Variants in FHIT observed in about 807,000 individuals in gnomAD.
The protein encoded by FHIT is bis(5'-adenosyl)-triphosphatase.
A neutral mutation model predicts 17.9 loss-of-function variants in FHIT; 19 were observed. That is an observed-to-expected ratio of 1.06 (90% CI 0.74 to 1.56). The LOEUF (loss-of-function observed/expected upper bound fraction) is 1.56. Among genes scored for constraint, FHIT ranks in the 40% most tolerant of loss-of-function variants. The pLI is 0.00. For synonymous variants in FHIT, 81 were observed against 69.7 expected, an observed-to-expected ratio of 1.16 and a Z score of -0.81; for missense variants, 248 against 189.2, an observed-to-expected ratio of 1.31 and a Z score of -1.82.
chr3:60,331,551 T>C (rs935701914), intron 5 of FHIT, among the ~76,000 whole-genome samples: 3 of 152,242 alleles, frequency 2.0e-5, no homozygotes, highest in Admixed American at 6.5e-5. Context: ...TTCTTTAACA[T>C]AGAAATATAC....
intron 4 of FHIT, among the ~76,000 whole-genome samples, chr3:60,633,121 A>C (rs2039490029): frequency 6.6e-6 from 1 of 152,254 alleles, no homozygotes; most frequent in Admixed American, 6.5e-5. Context: ...AAAATCTGTA[A>C]GAAATAAATA....
chr3:60,382,259 T>C (rs906051075), intron 5 of FHIT, among the ~76,000 whole-genome samples: 2 of 152,220 alleles, frequency 1.3e-5, no homozygotes, highest in Non-Finnish European at 2.9e-5. Context: ...GGTGCCCACA[T>C]ACACCAAACA....
intron 5 of FHIT, among the ~76,000 whole-genome samples, chr3:60,430,420 C>G (rs1309118037): frequency 6.6e-6 from 1 of 151,848 alleles, no homozygotes; most frequent in Non-Finnish European, 1.5e-5. Flanking sequence ...AATATAGTAC[C>G]TTTATGAGGT....
At chr3:60,769,636 G>A (rs1699973951) in intron 4 of FHIT, among the ~76,000 whole-genome samples, 1 of 152,222 alleles carries the variant, frequency 6.6e-6, no homozygotes, top group Non-Finnish European at 1.5e-5. Flanking sequence ...GTGACGTACA[G>A]GAATCAGAAG....
chr3:60,850,236 C>T (rs1559769862), intron 3 of FHIT, among the ~76,000 whole-genome samples: 1 of 151,884 alleles, frequency 6.6e-6, no homozygotes, highest in Non-Finnish European at 1.5e-5. Context: ...GTGTTCTACA[C>T]TGGAAGGTAT....
intron 4 of FHIT, among the ~76,000 whole-genome samples, chr3:60,748,060 G>A (rs989861698): frequency 5.3e-5 from 8 of 152,140 alleles, no homozygotes; most frequent in Non-Finnish European, 7.3e-5. Context: ...ACTGCTGGGG[G>A]CCTTGAGTGT....
At chr3:60,606,728 C>T (rs1319472692) in intron 4 of FHIT, among the ~76,000 whole-genome samples, 1 of 152,098 alleles carries the variant, frequency 6.6e-6, no homozygotes, top group Non-Finnish European at 1.5e-5. Flanking sequence ...CCTTCTCTTC[C>T]AGGGCTCTGA....
rs550811843 is a variant in FHIT at position 61,018,162 on chromosome 3, T to C, written c.-111+23885A>G. ...TTATACAGATAGTCAAACACGATGA[T>C]AAAAAGTAAGTAACTTTCTCAAAGT... On this transcript the variant is annotated intron_variant, in intron 3 of 9. Coordinates refer to ENST00000492590, the MANE Select transcript of FHIT (RefSeq NM_002012.4). Among the ~76,000 whole-genome samples, 58 of 152,296 alleles carry C rather than the reference T, an allele frequency of 3.8e-4. 1 individual carries two copies. The South Asian group carries it at 6.0e-3, about 16-fold the overall frequency.
intron 5 of FHIT, among the ~76,000 whole-genome samples, chr3:60,222,210 T>C (rs1204174968): frequency 6.6e-6 from 1 of 151,176 alleles, no homozygotes; most frequent in African/African-American, 2.4e-5. Context: ...ATTTATTTAT[T>C]CATGCATTCA....
At chr3:60,840,391 G>A (rs189394605) in intron 3 of FHIT, among the ~76,000 whole-genome samples, 6 of 152,194 alleles carry the variant, frequency 3.9e-5, no homozygotes, top group African/African-American at 1.4e-4. Flanking sequence ...ACTACAGTCC[G>A]CATGTTTGCC....
At chr3:61,109,269 T>A (rs2036083263) in intron 2 of FHIT, among the ~76,000 whole-genome samples, 2 of 152,196 alleles carry the variant, frequency 1.3e-5, no homozygotes, top group African/African-American at 2.4e-5. Flanking sequence ...TAACCCTGTA[T>A]GGCAGATGCA....
At chr3:60,237,252 T>C (rs1383600866) in intron 5 of FHIT, among the ~76,000 whole-genome samples, 3 of 150,558 alleles carry the variant, frequency 2.0e-5, no homozygotes, top group African/African-American at 7.4e-5. Flanking sequence ...TTAACAGGTT[T>C]TGTTTTTCCA....
intron 3 of FHIT, among the ~76,000 whole-genome samples, chr3:60,871,095 G>A (rs539419789): frequency 1.3e-5 from 2 of 152,208 alleles, no homozygotes; most frequent in African/African-American, 2.4e-5. Context: ...TCCATCTGTG[G>A]TTCTTGCCTT....
intron 5 of FHIT, among the ~76,000 whole-genome samples, chr3:60,014,376 A>C (rs778384489): frequency 4.6e-5 from 7 of 152,220 alleles, no homozygotes; most frequent in Non-Finnish European, 1.0e-4. Flanking sequence ...TATGCAGAAG[A>C]ATTTCTTGCA....
intron 2 of FHIT, among the ~76,000 whole-genome samples, chr3:61,054,359 C>T (rs1434142233): frequency 1.0e-5 from 1 of 95,720 alleles, no homozygotes; most frequent in African/African-American, 2.7e-5. Flanking sequence ...AACAAATTAT[C>T]TCTTTTTTTT....
chr3:60,650,409 T>C (rs1250566207), intron 4 of FHIT, among the ~76,000 whole-genome samples: 1 of 152,102 alleles, frequency 6.6e-6, no homozygotes, highest in African/African-American at 2.4e-5. Context: ...TCAAGTGAGC[T>C]AGCCAGGACT....
chr3:60,091,009 G>T (rs1703708556), intron 5 of FHIT, among the ~76,000 whole-genome samples: 1 of 152,186 alleles, frequency 6.6e-6, no homozygotes, highest in Non-Finnish European at 1.5e-5. Context: ...TGTTCAGACT[G>T]ACAACTAGGA....
chr3:60,043,211 A>G (rs1181345518), intron 5 of FHIT, among the ~76,000 whole-genome samples: 2 of 152,234 alleles, frequency 1.3e-5, no homozygotes. Context: ...CAACGGTGAC[A>G]TCACCTAAGT....
chr3:59,858,156 G>C (rs542205210), intron 8 of FHIT, among the ~76,000 whole-genome samples: 88 of 151,724 alleles, frequency 5.8e-4, no homozygotes, highest in African/African-American at 2.0e-3. Flanking sequence ...TGTGACTGCT[G>C]TGAAAGGTGT....
Sources: gnomAD v4.1 joint callset for allele counts (sites outside exome capture counted in the v4.1 genomes callset) on GRCh38, gnomAD v4.1.1 for gene constraint, MANE v1.5 for transcripts, NCBI Gene and HGNC (gene_info 2026-07-23, HGNC 2026-07-21) for gene names.